The following RALGPS1 variants were observed in gnomAD, a reference collection of about 807,000 sequenced individuals.
RALGPS1 encodes Ral GEF with PH domain and SH3 binding motif 1.
Under a neutral mutation model 78.8 loss-of-function variants are expected in RALGPS1, and 19 were observed. The ratio of observed to expected loss-of-function variants is 0.24; its 90% CI spans 0.17 to 0.35. The LOEUF is 0.35. Ranked by LOEUF, RALGPS1 falls within the 10% of genes least tolerant of loss-of-function variation. The probability of loss-of-function intolerance (pLI) is 1.00; values close to 1 mark genes in which losing one functional copy is unlikely to be tolerated. For missense variants in RALGPS1, 454 were observed against 688.3 expected, an observed-to-expected ratio of 0.66 and a Z score of 3.81; for synonymous variants, 228 against 256.3, an observed-to-expected ratio of 0.89 and a Z score of 1.06.
At chr9:127,015,493 C>T (rs954384382) in intron 4 of RALGPS1, among the ~76,000 whole-genome samples, 2 of 152,160 alleles carry the variant, frequency 1.3e-5, no homozygotes, top group African/African-American at 4.8e-5. Flanking sequence ...GCGAACAGAT[C>T]TTGAAGGACT....
At chr9:126,940,935 T>A (rs1564282843) in intron 1 of RALGPS1, among the ~76,000 whole-genome samples, 1 of 152,196 alleles carries the variant, frequency 6.6e-6, no homozygotes, top group Non-Finnish European at 1.5e-5. Context: ...CCATACCTAT[T>A]TCAAAAGAAA....
intron 7 of RALGPS1, among the ~76,000 whole-genome samples, chr9:127,054,656 C>G (rs1173153131): frequency 6.6e-6 from 1 of 152,120 alleles, no homozygotes; most frequent in Non-Finnish European, 1.5e-5. Flanking sequence ...GGTCTTCACT[C>G]CTGTTGATGG....
chr9:127,039,353 A>C (rs959780013), intron 5 of RALGPS1, among the ~76,000 whole-genome samples: 2 of 152,204 alleles, frequency 1.3e-5, no homozygotes, highest in African/African-American at 4.8e-5. Context: ...GCTAAAAAAG[A>C]GTCCTTTGAT....
In RALGPS1 at chr9:127,212,898, G is replaced by A. The variant is rs142586749; in HGVS notation, c.1447-46G>A. Reference sequence around the variant, plus strand: ...CCCACGTCGGCCTCCCTTGTGGAGTGGAGGGCTGGGCCCCGGTCTCCGGAT... The same window carrying A: ...CCCACGTCGGCCTCCCTTGTGGAGTAGAGGGCTGGGCCCCGGTCTCCGGAT... On this transcript the variant is annotated intron_variant, in intron 16 of 18. Transcript: ENST00000259351. This position sits in a 1 kb window ranked among gnomAD's most constrained non-coding sequence, Gnocchi z 6.0. 4 of 1,613,114 alleles carry A rather than the reference G, an allele frequency of 2.5e-6. No homozygotes were observed. The African/African-American group carries it at 5.3e-5, about 22-fold the overall frequency.
chr9:126,923,234 A>G (rs934816663), intron 1 of RALGPS1, among the ~76,000 whole-genome samples: 1 of 152,170 alleles, frequency 6.6e-6, no homozygotes, highest in African/African-American at 2.4e-5. Context: ...TTCCAGCCTT[A>G]TGTTGATTCT....
At chr9:127,180,674 G>T (rs1416369307) in intron 11 of RALGPS1, among the ~76,000 whole-genome samples, 1 of 152,246 alleles carries the variant, frequency 6.6e-6, no homozygotes, top group African/African-American at 2.4e-5. Context: ...GGAGTTGGTA[G>T]GGGGACAGAG....
At chr9:127,001,128 CA>C (rs2043267599) in intron 4 of RALGPS1, among the ~76,000 whole-genome samples, 1 of 150,828 alleles carries the variant, frequency 6.6e-6, no homozygotes, top group Non-Finnish European at 1.5e-5. Context: ...CAAAACAAAA[CA>C]AAACAAAACT....
rs968813734 is a variant in RALGPS1 at position 127,032,025 on chromosome 9, G to A, written c.217-2406G>A. Among the ~76,000 whole-genome samples the A allele has an allele frequency of 4.6e-5, 7 of 152,322 alleles. No homozygotes were observed. The East Asian group carries it at 5.8e-4, about 13-fold the overall frequency. ...GTGTGGGAAAAAGAAGACGTTTGGC[G>A]TTCAAGCTGAGTCTGAATACTGCCT... On this transcript the variant is annotated intron_variant, in intron 4 of 18. Transcript: ENST00000259351.
intron 4 of RALGPS1, among the ~76,000 whole-genome samples, chr9:127,006,777 A>G (rs2043872599): frequency 1.3e-5 from 2 of 152,140 alleles, no homozygotes; most frequent in South Asian, 4.1e-4. Flanking sequence ...GTCTGGCTCT[A>G]GGGTCCACAT....
At chr9:126,932,762 A>T (rs953553136) in intron 1 of RALGPS1, among the ~76,000 whole-genome samples, 1 of 152,180 alleles carries the variant, frequency 6.6e-6, no homozygotes, top group Admixed American at 6.5e-5. Flanking sequence ...TAAAACAAAA[A>T]TGTTGAAACA....
intron 7 of RALGPS1, among the ~76,000 whole-genome samples, chr9:127,057,440 G>A (rs542853216): frequency 1.2e-4 from 19 of 152,334 alleles, no homozygotes; most frequent in South Asian, 6.2e-4. Flanking sequence ...AGGGCAGGGC[G>A]TCCTGTTGGC....
intron 4 of RALGPS1, among the ~76,000 whole-genome samples, chr9:127,011,158 C>T (rs999355573): frequency 6.6e-6 from 1 of 151,494 alleles, no homozygotes; most frequent in Non-Finnish European, 1.5e-5. Context: ...GTTCCTAGAC[C>T]GAGAGCCCAC....
intron 8 of RALGPS1, among the ~76,000 whole-genome samples, chr9:127,089,421 C>T (rs571384138): frequency 2.0e-5 from 3 of 152,318 alleles, no homozygotes; most frequent in African/African-American, 7.2e-5. Context: ...GCCTGCCGCA[C>T]AGGGCGGCTC....
chr9:126,974,300 C>T (rs964057687), intron 3 of RALGPS1, among the ~76,000 whole-genome samples: 2 of 152,180 alleles, frequency 1.3e-5, no homozygotes, highest in African/African-American at 4.8e-5. Context: ...TTGCCGGACA[C>T]GGGCTTTCTG....
chr9:127,162,399 C>T (rs2059071752), intron 8 of RALGPS1, among the ~76,000 whole-genome samples: 1 of 152,202 alleles, frequency 6.6e-6, no homozygotes. Flanking sequence ...TAGGCTTATA[C>T]ATATCTCTGT....
intron 7 of RALGPS1, among the ~76,000 whole-genome samples, chr9:127,054,869 G>A (rs952059523): frequency 6.6e-6 from 1 of 152,072 alleles, no homozygotes; most frequent in African/African-American, 2.4e-5. Context: ...TCACAGCTAC[G>A]CAGGAGACTG....
intron 4 of RALGPS1, among the ~76,000 whole-genome samples, chr9:126,986,471 T>G (rs905884900): frequency 3.9e-5 from 6 of 152,176 alleles, no homozygotes; most frequent in Non-Finnish European, 5.9e-5. Context: ...AAAGGAGGTC[T>G]GTCTGAAGGT....
chr9:127,049,196 T>C (rs770026334), intron 5 of RALGPS1, among the ~76,000 whole-genome samples: 10 of 152,212 alleles, frequency 6.6e-5, no homozygotes, highest in Admixed American at 6.5e-4. Context: ...GTGTTTCACA[T>C]AGAACTGTTG....
chr9:127,070,910 A>C (rs1432796026), intron 8 of RALGPS1, among the ~76,000 whole-genome samples: 2 of 151,586 alleles, frequency 1.3e-5, no homozygotes, highest in Non-Finnish European at 2.9e-5. Context: ...GCCAACTTGG[A>C]AAATTTGTTT....
Sources: gnomAD v4.1 joint callset for allele counts (sites outside exome capture counted in the v4.1 genomes callset) on GRCh38, gnomAD v4.1.1 for gene constraint, Gnocchi (gnomAD v3.1) non-coding constraint, MANE v1.5 for transcripts, NCBI Gene and HGNC (gene_info 2026-07-23, HGNC 2026-07-21) for gene names.